The following TASP1 variants were observed in gnomAD, a reference collection of about 807,000 sequenced individuals.
The protein encoded by TASP1 is taspase 1.
A neutral mutation model predicts 56.6 loss-of-function variants in TASP1; 16 were observed. The observed-to-expected ratio is 0.28, with a 90% CI of 0.19 to 0.43. The LOEUF is 0.43. Among genes scored for constraint, TASP1 ranks in the 20% least tolerant of loss-of-function variants. The probability of loss-of-function intolerance (pLI) is 1.00; values close to 1 mark genes in which losing one functional copy is unlikely to be tolerated. For synonymous variants in TASP1, 179 were observed against 184.2 expected (o/e 0.97, Z 0.23); for missense variants, 393 against 511.6 (o/e 0.77, Z 2.24).
chr20:13,597,042 T>C (rs1443026174), intron 4 of TASP1, among the ~76,000 whole-genome samples: 2 of 152,144 alleles, frequency 1.3e-5, no homozygotes, highest in African/African-American at 2.4e-5. Context: ...CAATAATTAA[T>C]AGCCTACCAA....
At chr20:13,120,444 T>C in the TASP1 span, among the ~76,000 whole-genome samples, 1 of 152,204 alleles carries the variant, frequency 6.6e-6, no homozygotes, top group African/African-American at 2.4e-5. Context: ...CATAGGGTTC[T>C]CAGTAAACCC....
chr20:13,623,070 CT>C (rs2048772343), intron 4 of TASP1, among the ~76,000 whole-genome samples: 1 of 152,154 alleles, frequency 6.6e-6, no homozygotes, highest in African/African-American at 2.4e-5. Context: ...GAATCTTCCC[CT>C]TCTACTTTAG....
chr20:13,172,101 C>T, the TASP1 span, among the ~76,000 whole-genome samples: 2 of 151,946 alleles, frequency 1.3e-5, no homozygotes, highest in Non-Finnish European at 1.5e-5. Flanking sequence ...AGGATACATA[C>T]AGGAGGAACA....
chr20:13,205,264 CT>C, the TASP1 span, among the ~76,000 whole-genome samples: 1 of 152,140 alleles, frequency 6.6e-6, no homozygotes, highest in Non-Finnish European at 1.5e-5. Context: ...ATGCCAAGCC[CT>C]TTCCCACCTC....
chr20:13,307,016 G>C, the TASP1 span, among the ~76,000 whole-genome samples: 232 of 152,304 alleles, frequency 1.5e-3, no homozygotes, highest in African/African-American at 5.3e-3. Flanking sequence ...TGCTATTACA[G>C]GATATTGGAG....
At chr20:13,573,405 A>T (rs572318301) in intron 6 of TASP1, among the ~76,000 whole-genome samples, 112 of 152,262 alleles carry the variant, frequency 7.4e-4, no homozygotes, top group Non-Finnish European at 1.1e-3. Context: ...TTGATCTTGA[A>T]CTTCCCAGCC....
intron 4 of TASP1, among the ~76,000 whole-genome samples, chr20:13,594,724 T>G (rs969359964): frequency 6.6e-6 from 1 of 152,170 alleles, no homozygotes; most frequent in African/African-American, 2.4e-5. Flanking sequence ...TATGGGACTA[T>G]GTGAAAAGAC....
chr20:13,452,442 T>C (rs2043658947), intron 11 of TASP1, among the ~76,000 whole-genome samples: 1 of 150,610 alleles, frequency 6.6e-6, no homozygotes, highest in Non-Finnish European at 1.5e-5. Context: ...CTGAAAAACC[T>C]ACAACTCTGT....
chr20:13,401,530 A>C (rs1226852353), intron 13 of TASP1, among the ~76,000 whole-genome samples: 2 of 152,222 alleles, frequency 1.3e-5, no homozygotes, highest in Non-Finnish European at 2.9e-5. Flanking sequence ...AAAATAATGT[A>C]ATAAAAGTTG....
At chr20:13,422,821 G>C (rs1485129148) in intron 12 of TASP1, among the ~76,000 whole-genome samples, 2 of 152,192 alleles carry the variant, frequency 1.3e-5, no homozygotes, top group African/African-American at 2.4e-5. Flanking sequence ...CTGGGAATGT[G>C]CACATGAGGT....
At chr20:13,183,395 A>T in the TASP1 span, among the ~76,000 whole-genome samples, 1 of 152,234 alleles carries the variant, frequency 6.6e-6, no homozygotes, top group Non-Finnish European at 1.5e-5. Context: ...TAAGCTATTA[A>T]TGTTTGGGTT....
chr20:13,580,590 A>G (rs2047083942), intron 6 of TASP1, among the ~76,000 whole-genome samples: 1 of 152,236 alleles, frequency 6.6e-6, no homozygotes, highest in African/African-American at 2.4e-5. Flanking sequence ...ACTATGTTCC[A>G]TGTACTTTTA....
At chr20:13,316,494 G>A in the TASP1 span, among the ~76,000 whole-genome samples, 1 of 151,802 alleles carries the variant, frequency 6.6e-6, no homozygotes, top group Non-Finnish European at 1.5e-5. Flanking sequence ...TACAAAAAAA[G>A]TACTGACCAA....
At chr20:13,283,771 G>C in the TASP1 span, among the ~76,000 whole-genome samples, 1 of 152,022 alleles carries the variant, frequency 6.6e-6, no homozygotes, top group African/African-American at 2.4e-5. Context: ...AAATTACATA[G>C]GTACTGCTTA....
chr20:13,374,265 G>A, the TASP1 span, among the ~76,000 whole-genome samples: 1 of 152,008 alleles, frequency 6.6e-6, no homozygotes, highest in African/African-American at 2.4e-5. Flanking sequence ...TGACTATTTT[G>A]TGTGTGTGAG....
the TASP1 span, among the ~76,000 whole-genome samples, chr20:13,137,858 C>T: frequency 1.3e-5 from 2 of 152,266 alleles, no homozygotes; most frequent in South Asian, 4.1e-4. Flanking sequence ...TGCCCCTTCA[C>T]CACACAGACC....
intron 2 of TASP1, among the ~76,000 whole-genome samples, chr20:13,626,590 C>T (rs1568666445): frequency 6.6e-6 from 1 of 152,182 alleles, no homozygotes; most frequent in Non-Finnish European, 1.5e-5. Context: ...AACTGTCGTA[C>T]AAGGAGCCAG....
the TASP1 span, among the ~76,000 whole-genome samples, chr20:13,309,371 A>AT: frequency 6.6e-6 from 1 of 152,212 alleles, no homozygotes; most frequent in African/African-American, 2.4e-5. Flanking sequence ...AAAATTGAAT[A>AT]TTATTTCATA....
chr20:13,444,319 TA>T (rs1199099118), intron 11 of TASP1, among the ~76,000 whole-genome samples: 1 of 152,212 alleles, frequency 6.6e-6, no homozygotes, highest in African/African-American at 2.4e-5. Context: ...TTACATTTAA[TA>T]AAGAATTTCT....
Sources: gnomAD v4.1 joint callset for allele counts (sites outside exome capture counted in the v4.1 genomes callset) on GRCh38, gnomAD v4.1.1 for gene constraint, MANE v1.5 for transcripts, NCBI Gene and HGNC (gene_info 2026-07-23, HGNC 2026-07-21) for gene names.